The following EXOC4 variants were observed in gnomAD, a reference collection of about 807,000 sequenced individuals.
EXOC4 encodes exocyst complex component 4.
In EXOC4, 71 loss-of-function variants were observed where a neutral mutation model predicts 107.2. The observed-to-expected ratio is 0.66, with a 90% confidence interval of 0.55 to 0.81. The LOEUF (loss-of-function observed/expected upper bound fraction) is 0.81. EXOC4 is among the 30% of genes least tolerant of loss of function. EXOC4 has a pLI of 0.00. For missense variants in EXOC4, 1,108 were observed against 1,189.6 expected, an observed-to-expected ratio of 0.93 and a Z score of 1.01; for synonymous variants, 456 against 441.2, an observed-to-expected ratio of 1.03 and a Z score of -0.42.
At chr7:133,607,927 T>C (rs1563125190) in intron 9 of EXOC4, among the ~76,000 whole-genome samples, 1 of 152,136 alleles carries the variant, frequency 6.6e-6, no homozygotes, top group Non-Finnish European at 1.5e-5. Context: ...GAAGGGGTAG[T>C]GGGGGGAGCA....
intron 11 of EXOC4, among the ~76,000 whole-genome samples, chr7:133,892,861 T>C (rs1424841680): frequency 6.9e-6 from 1 of 144,570 alleles, no homozygotes; most frequent in Non-Finnish European, 1.5e-5. Context: ...TGGTCAATTT[T>C]GGAATAGGTG....
intron 9 of EXOC4, among the ~76,000 whole-genome samples, chr7:133,526,316 T>A (rs934995352): frequency 6.6e-6 from 1 of 152,192 alleles, no homozygotes; most frequent in African/African-American, 2.4e-5. Context: ...TTATAAATCT[T>A]GATGACTCTT....
At chr7:133,493,230 A>G (rs534152195) in intron 9 of EXOC4, among the ~76,000 whole-genome samples, 1 of 152,194 alleles carries the variant, frequency 6.6e-6, no homozygotes, top group East Asian at 1.9e-4. Context: ...TTTGAGACCA[A>G]CCTGGCCAAC....
intron 10 of EXOC4, among the ~76,000 whole-genome samples, chr7:133,702,777 G>C (rs1460372917): frequency 6.6e-6 from 1 of 152,148 alleles, no homozygotes; most frequent in East Asian, 1.9e-4. Context: ...TTTTGTCTTA[G>C]AAGTCTTTCT....
intron 7 of EXOC4, among the ~76,000 whole-genome samples, chr7:133,377,123 A>G (rs1047648263): frequency 2.0e-5 from 3 of 152,116 alleles, no homozygotes; most frequent in African/African-American, 7.2e-5. Context: ...AGGCTGAGGT[A>G]GGTGGATCAT....
intron 10 of EXOC4, among the ~76,000 whole-genome samples, chr7:133,809,525 G>T (rs1239291853): frequency 6.6e-6 from 1 of 152,142 alleles, no homozygotes; most frequent in Non-Finnish European, 1.5e-5. Context: ...GTACATCTCT[G>T]CAGAGTCAAG....
chr7:133,578,758 A>G (rs1474548553), intron 9 of EXOC4, among the ~76,000 whole-genome samples: 1 of 152,200 alleles, frequency 6.6e-6, no homozygotes, highest in Non-Finnish European at 1.5e-5. Flanking sequence ...TGAAAGAAAA[A>G]GCAAAGAAAC....
chr7:133,683,871 A>G (rs1182479027), intron 10 of EXOC4, among the ~76,000 whole-genome samples: 2 of 152,168 alleles, frequency 1.3e-5, no homozygotes, highest in Non-Finnish European at 2.9e-5. Context: ...ATAGATCTAA[A>G]TGCACAAAAT....
chr7:133,580,372 G>A (rs1801228428), intron 9 of EXOC4, among the ~76,000 whole-genome samples: 1 of 152,252 alleles, frequency 6.6e-6, no homozygotes, highest in South Asian at 2.1e-4. Context: ...AAGTGGAATT[G>A]TTGGATCATA....
At position 133,325,243 on chromosome 7, in the gene EXOC4, T is replaced by C. The variant is rs183160821; in HGVS notation, c.763+7853T>C. Among the ~76,000 whole-genome samples the C allele has an allele frequency of 2.2e-3, 338 of 152,328 alleles. 2 individuals are homozygous for C. Among genetic ancestry groups the C allele is most frequent in the Non-Finnish European group, 4.4e-3 (301 of 68,030 alleles). On this transcript the variant is annotated intron_variant, in intron 5 of 17. Coordinates refer to ENST00000253861, the MANE Select transcript of EXOC4 (RefSeq NM_021807.4). ...GTGATATTGTTATGTGTGAATTTGGTCCTGTCATTATGATGTTAGCTGGTT... is the reference window on the plus strand; with the variant it reads ...GTGATATTGTTATGTGTGAATTTGGCCCTGTCATTATGATGTTAGCTGGTT...
intron 9 of EXOC4, among the ~76,000 whole-genome samples, chr7:133,490,812 T>C (rs1799357923): frequency 6.6e-6 from 1 of 152,182 alleles, no homozygotes; most frequent in African/African-American, 2.4e-5. Flanking sequence ...TGTAATCACA[T>C]ACAGGATTTT....
intron 10 of EXOC4, among the ~76,000 whole-genome samples, chr7:133,789,655 TTG>T (rs1796663265): frequency 6.6e-6 from 1 of 152,168 alleles, no homozygotes; most frequent in African/African-American, 2.4e-5. Flanking sequence ...GGTTATAAGG[TTG>T]TGTTACTGTT....
At chr7:134,023,120 T>C (rs1454186399) in intron 17 of EXOC4, among the ~76,000 whole-genome samples, 1 of 152,200 alleles carries the variant, frequency 6.6e-6, no homozygotes, top group East Asian at 1.9e-4. Flanking sequence ...ACTAGGACTC[T>C]GTGCTTTTAC....
At chr7:134,006,079 C>T (rs1235370169) in intron 16 of EXOC4, among the ~76,000 whole-genome samples, 2 of 152,202 alleles carry the variant, frequency 1.3e-5, no homozygotes, top group Non-Finnish European at 2.9e-5. Flanking sequence ...GCTGCAGTGC[C>T]TACCTGAGAA....
At chr7:133,899,379 G>T (rs1799398183) in intron 12 of EXOC4, among the ~76,000 whole-genome samples, 1 of 152,166 alleles carries the variant, frequency 6.6e-6, no homozygotes, top group South Asian at 2.1e-4. Context: ...TTATGTTCCT[G>T]CCTCTCAAGA....
At chr7:134,023,263 C>T (rs1374248625) in intron 17 of EXOC4, among the ~76,000 whole-genome samples, 1 of 152,088 alleles carries the variant, frequency 6.6e-6, no homozygotes, top group East Asian at 1.9e-4. Context: ...TTTGAAAAAT[C>T]AGTAACTCAA....
chr7:133,523,581 A>G (rs1800022061), intron 9 of EXOC4, among the ~76,000 whole-genome samples: 1 of 151,782 alleles, frequency 6.6e-6, no homozygotes, highest in South Asian at 2.1e-4. Context: ...TCCCAATGCT[A>G]TCCCTCCCCC....
In EXOC4 at chr7:133,822,169, T is replaced by G. The variant is rs548914173; in HGVS notation, c.1734+4625T>G. Among the ~76,000 whole-genome samples the G allele has an allele frequency of 1.5e-3, 227 of 152,296 alleles. 1 individual carries two copies. The highest frequency in any genetic ancestry group is 2.8e-3 in the Non-Finnish European group (191 of 68,022). Reference sequence around the variant, plus strand: ...AACTAAGGAAATACCTGAAGAGAAATTATTCATTTCTCCTGAGTCAGATTC... The same window carrying G: ...AACTAAGGAAATACCTGAAGAGAAAGTATTCATTTCTCCTGAGTCAGATTC... On this transcript the variant is annotated intron_variant, in intron 11 of 17. Coordinates refer to ENST00000253861, the MANE Select transcript of EXOC4 (RefSeq NM_021807.4).
intron 11 of EXOC4, among the ~76,000 whole-genome samples, chr7:133,818,009 C>G (rs1219257802): frequency 2.0e-5 from 3 of 152,086 alleles, no homozygotes; most frequent in Non-Finnish European, 2.9e-5. Flanking sequence ...AGTAAACTGA[C>G]CTTTAAAAGT....
Sources: allele counts gnomAD v4.1 joint callset (sites outside exome capture counted in the v4.1 genomes callset), GRCh38; gene constraint gnomAD v4.1.1; transcripts MANE v1.5; gene names NCBI Gene and HGNC (gene_info 2026-07-23, HGNC 2026-07-21).